COL22A1: variants seen among roughly 807,000 people sequenced by gnomAD.
COL22A1 encodes the protein collagen type XXII alpha 1 chain.
A neutral mutation model predicts 248.9 loss-of-function variants in COL22A1; 221 were observed. That is an observed-to-expected ratio of 0.89 (90% CI 0.80 to 0.99). The LOEUF (loss-of-function observed/expected upper bound fraction) is 0.99. Ranked by LOEUF, COL22A1 falls within the 50% of genes least tolerant of loss-of-function variation. COL22A1 has a pLI of 0.00. For missense variants in COL22A1, 2,240 were observed against 2,179.0 expected (o/e 1.03, Z -0.56); for synonymous variants, 891 against 793.4 (o/e 1.12, Z -2.07).
chr8:138,647,245 G>T (rs1320673410), intron 46 of COL22A1, among the ~76,000 whole-genome samples: 1 of 152,194 alleles, frequency 6.6e-6, no homozygotes, highest in African/African-American at 2.4e-5. Context: ...GAACCTGGAT[G>T]GAAGGGGATC....
rs1818750676 is a variant in COL22A1, at chr8:138,817,224, G to T, written c.1245+3912C>A. On this transcript the variant is annotated intron_variant, in intron 7 of 64. Transcript: ENST00000303045. ...AAAGTGAGTTAGGGAAAGGAAGCTA[G>T]CCTGTAAAGGGCTGTTATCAAGGGT... Among the ~76,000 whole-genome samples the T allele has an allele frequency of 2.6e-5, 4 of 152,194 alleles. No homozygotes were observed. The South Asian group carries it at 8.3e-4, about 31-fold the overall frequency.
chr8:138,758,950 C>A (rs1833239563), intron 18 of COL22A1, among the ~76,000 whole-genome samples: 1 of 152,154 alleles, frequency 6.6e-6, no homozygotes. Context: ...CACCTAGATC[C>A]AGACTTCAAG....
At position 138,589,011 on chromosome 8, in the gene COL22A1, T is replaced by C. The variant is rs1816814120; in HGVS notation, c.*242A>G. The C allele has an allele frequency of 7.3e-6, 3 of 410,580 alleles. No individual in the cohort carries two copies. The highest frequency in any genetic ancestry group is 1.3e-5 in the Non-Finnish European group (3 of 234,670). The allele number at this position is 410,580 out of a possible 1,614,324, so 25.4% of individuals were successfully genotyped here. On this transcript the variant is annotated 3_prime_UTR_variant, in exon 65 of 65. Transcript: ENST00000303045. Reference sequence around the variant, plus strand: ...GAAAAGAACTCACAAAGCATCAGCATATGAAATAATAATAATAATTAACAA... The same window carrying C: ...GAAAAGAACTCACAAAGCATCAGCACATGAAATAATAATAATAATTAACAA...
chr8:138,815,484 T>C (rs1186484449), intron 7 of COL22A1, among the ~76,000 whole-genome samples: 1 of 152,120 alleles, frequency 6.6e-6, no homozygotes, highest in Non-Finnish European at 1.5e-5. Flanking sequence ...ATTGCTCCCT[T>C]TCCTTCAGCC....
intron 1 of COL22A1, among the ~76,000 whole-genome samples, chr8:138,889,158 C>T (rs1039524256): frequency 3.3e-5 from 5 of 152,134 alleles, no homozygotes; most frequent in Non-Finnish European, 7.3e-5. Flanking sequence ...TCTCTCCCCA[C>T]GTCACTCAGT....
At chr8:138,859,405 C>T (rs781324368) in intron 3 of COL22A1, among the ~76,000 whole-genome samples, 38 of 152,316 alleles carry the variant, frequency 2.5e-4, no homozygotes, top group East Asian at 1.9e-4. Flanking sequence ...GCGGACAGAA[C>T]GGGATATGGC....
chr8:138,776,013 G>A lies in COL22A1; in HGVS notation c.1759-3C>T. The A allele has an allele frequency of 6.2e-7, 1 of 1,614,000 alleles. No individual in the cohort carries two copies. The highest frequency in any genetic ancestry group is 8.5e-7 in the Non-Finnish European group (1 of 1,179,868). On this transcript the variant is annotated splice_region_variant and splice_polypyrimidine_tract_variant and intron_variant, in intron 15 of 64. Coordinates refer to ENST00000303045, the MANE Select transcript of COL22A1 (RefSeq NM_152888.3). ...TCACCTCGTTCTCCTTGGAGACCCTGGGGGACAAAGAAAGAGCAGTGACCC... is the reference window on the plus strand; with the variant it reads ...TCACCTCGTTCTCCTTGGAGACCCTAGGGGACAAAGAAAGAGCAGTGACCC...
intron 16 of COL22A1, among the ~76,000 whole-genome samples, chr8:138,770,553 A>G (rs180863340): frequency 1.6e-3 from 238 of 152,378 alleles, no homozygotes; most frequent in African/African-American, 5.6e-3. Flanking sequence ...CTGCTAAGGC[A>G]GGGCTGGGGC....
At chr8:138,606,352 C>T (rs901489166) in intron 58 of COL22A1, 29 bp downstream of exon 58, 15 of 1,599,016 alleles carry the variant, frequency 9.4e-6, no homozygotes, top group Non-Finnish European at 1.3e-5. Context: ...AGCCAGGTAT[C>T]TTGGGCCCCA....
At position 138,878,211 on chromosome 8, in the gene COL22A1, T is replaced by C. The variant is rs1318093938; in HGVS notation, c.197A>G (p.Asp66Gly). The C allele has an allele frequency of 2.5e-6, 4 of 1,597,092 alleles. No homozygotes were observed. The highest frequency in any genetic ancestry group is 1.7e-6 in the Non-Finnish European group (2 of 1,172,280). The change falls in exon 3 of 65, where the codon GAC becomes GGC. Residue 66 changes from aspartate (D) to glycine (G), a missense_variant. Coordinates refer to ENST00000303045, the MANE Select transcript of COL22A1 (RefSeq NM_152888.3). Reference sequence around the variant, plus strand: ...GCGGTCGGGGCCCACCTCGAAGGTGTCCACCAGGTTGGCCACCCACTGCCG... The same window carrying C: ...GCGGTCGGGGCCCACCTCGAAGGTGCCCACCAGGTTGGCCACCCACTGCCG... ...KVRQWVANLV[D>G]TFEVGPDRTR...
chr8:138,772,290 A>G (rs908787979), intron 16 of COL22A1, among the ~76,000 whole-genome samples: 3 of 152,218 alleles, frequency 2.0e-5, no homozygotes, highest in African/African-American at 4.8e-5. Context: ...CCAGAGGTGA[A>G]TAAGGTGCGT....
At chr8:138,592,062 G>A (rs528512073) in intron 63 of COL22A1, among the ~76,000 whole-genome samples, 1 of 152,316 alleles carries the variant, frequency 6.6e-6, no homozygotes, top group South Asian at 2.1e-4. Context: ...GCAGTGATAA[G>A]TAACACACAG....
intron 3 of COL22A1, among the ~76,000 whole-genome samples, chr8:138,857,677 GA>G (rs1271953564): frequency 1.3e-5 from 2 of 152,226 alleles, no homozygotes; most frequent in Non-Finnish European, 2.9e-5. Flanking sequence ...GGTCAACTGG[GA>G]ACAGCGGTTC....
At chr8:138,871,502 G>T (rs1457515112) in intron 3 of COL22A1, among the ~76,000 whole-genome samples, 1 of 152,102 alleles carries the variant, frequency 6.6e-6, no homozygotes, top group Non-Finnish European at 1.5e-5. Flanking sequence ...CACTTCACTG[G>T]GTTTCTCAGC....
chr8:138,878,100 G>A lies in COL22A1; in HGVS notation c.308C>T (p.Ala103Val), dbSNP rs146310961. Residue 103 changes from alanine to valine, a missense_variant, in exon 3 of 65, where the codon GCG (alanine) becomes GTG (valine). By Grantham distance (64) the Ala-to-Val change is moderately conservative. Transcript: ENST00000303045. ...GTGGTAGGCGAGACGCCGGGCAGCC[G>A]CCTTGACCTCCTCCTGCGAGCCAAA... ...GLFGSQEEVK[A>V]AARRLAYHGG... The A allele has an allele frequency of 2.2e-5, 35 of 1,601,054 alleles. No homozygotes were observed. The African/African-American group carries it at 2.3e-4, about 10-fold the overall frequency.
At chr8:138,609,285 T>C (rs537604599) in intron 56 of COL22A1, among the ~76,000 whole-genome samples, 1 of 152,348 alleles carries the variant, frequency 6.6e-6, no homozygotes, top group Non-Finnish European at 1.5e-5. Context: ...AGCTGAGATC[T>C]GAACATAGGC....
intron 23 of COL22A1, among the ~76,000 whole-genome samples, chr8:138,732,380 G>C (rs1167402610): frequency 3.3e-5 from 5 of 152,160 alleles, no homozygotes; most frequent in Non-Finnish European, 7.3e-5. Flanking sequence ...GAAAAATCTG[G>C]GACTTTGGTT....
intron 30 of COL22A1, among the ~76,000 whole-genome samples, chr8:138,710,039 G>T (rs1287122523): frequency 6.6e-6 from 1 of 152,160 alleles, no homozygotes; most frequent in East Asian, 1.9e-4. Context: ...AGCAACACAG[G>T]CTTGGGAGTT....
chr8:138,739,348 T>G (rs1831377353), intron 22 of COL22A1, among the ~76,000 whole-genome samples: 1 of 152,192 alleles, frequency 6.6e-6, no homozygotes. Context: ...CTGCCTGGGT[T>G]TGTTCCCCAG....
Sources: gnomAD v4.1 joint callset for allele counts (sites outside exome capture counted in the v4.1 genomes callset) on GRCh38, gnomAD v4.1.1 for gene constraint, MANE v1.5 for transcripts, NCBI Gene and HGNC (gene_info 2026-07-23, HGNC 2026-07-21) for gene names.